ADARB2: variants seen among roughly 807,000 people sequenced by gnomAD.
ADARB2 encodes adenosine deaminase RNA specific B2 (inactive).
A neutral mutation model predicts 62.2 loss-of-function variants in ADARB2; 25 were observed. That is an observed-to-expected ratio of 0.40 (90% confidence interval 0.29 to 0.56). The LOEUF is 0.56. Among genes scored for constraint, ADARB2 ranks in the 20% least tolerant of loss-of-function variants. The pLI is 0.43. For missense variants in ADARB2, 1,071 were observed against 1,077.4 expected (o/e 0.99, Z 0.08); for synonymous variants, 572 against 500.8 (o/e 1.14, Z -1.90).
At chr10:1,706,967 CG>C in intron 1 of ADARB2, among the ~76,000 whole-genome samples, 1 of 81,766 alleles carries the variant, frequency 1.2e-5, no homozygotes, top group South Asian at 4.7e-4. Flanking sequence ...AGGGTTTCCC[CG>C]GGGCCTCCTG....
intron 1 of ADARB2, among the ~76,000 whole-genome samples, chr10:1,497,230 G>A (rs1374379408): frequency 6.6e-6 from 1 of 152,214 alleles, no homozygotes; most frequent in Non-Finnish European, 1.5e-5. Flanking sequence ...AGCTTATGAA[G>A]ATTAAGTAAT....
At chr10:1,457,143 T>A (rs1200503786) in intron 1 of ADARB2, among the ~76,000 whole-genome samples, 3 of 152,202 alleles carry the variant, frequency 2.0e-5, no homozygotes, top group Non-Finnish European at 4.4e-5. Context: ...ACATTTTGCC[T>A]GAACAAAATA....
intron 1 of ADARB2, among the ~76,000 whole-genome samples, chr10:1,456,954 C>G (rs1322170587): frequency 1.1e-4 from 16 of 140,654 alleles, no homozygotes; most frequent in Admixed American, 1.1e-3. Context: ...GCCACCACGC[C>G]TGGCTAATTT....
At chr10:1,371,112 C>T (rs772574371) in intron 2 of ADARB2, among the ~76,000 whole-genome samples, 35 of 152,246 alleles carry the variant, frequency 2.3e-4, no homozygotes, top group Non-Finnish European at 4.1e-4. Context: ...CATAGACCCA[C>T]GGAACAGAGA....
At chr10:1,404,697 G>T (rs555937989) in intron 1 of ADARB2, among the ~76,000 whole-genome samples, 1 of 152,152 alleles carries the variant, frequency 6.6e-6, no homozygotes, top group African/African-American at 2.4e-5. Context: ...TAAGCTCGCC[G>T]GCTTCGGGGC....
intron 3 of ADARB2, among the ~76,000 whole-genome samples, chr10:1,304,009 A>T (rs1429590814): frequency 6.6e-6 from 1 of 152,078 alleles, no homozygotes; most frequent in Admixed American, 6.6e-5. Context: ...GACAGGATCA[A>T]ATTCACACAT....
intron 1 of ADARB2, among the ~76,000 whole-genome samples, chr10:1,719,957 C>T (rs1835069276): frequency 6.6e-6 from 1 of 152,148 alleles, no homozygotes; most frequent in South Asian, 2.1e-4. Flanking sequence ...TGTAAATTAG[C>T]TCAGCCAACT....
At chr10:1,511,573 G>A (rs74121028) in intron 1 of ADARB2, among the ~76,000 whole-genome samples, 5,091 of 152,164 alleles carry the variant, frequency 0.033, 266 homozygotes, top group African/African-American at 0.11. Flanking sequence ...ATCAGCCGAG[G>A]AAGGATTGGC....
At chr10:1,375,637 A>C (rs1004732456) in intron 2 of ADARB2, among the ~76,000 whole-genome samples, 1 of 152,244 alleles carries the variant, frequency 6.6e-6, no homozygotes, top group Non-Finnish European at 1.5e-5. Context: ...ACACAGACTC[A>C]CAGGGTGTGA....
intron 1 of ADARB2, among the ~76,000 whole-genome samples, chr10:1,674,078 G>A (rs1055576669): frequency 7.2e-5 from 11 of 152,250 alleles, no homozygotes; most frequent in African/African-American, 2.4e-4. Flanking sequence ...CCCTGAAGTC[G>A]ATGTCAGACC....
rs374202819 is a variant in ADARB2 at position 1,627,828 on chromosome 10, G to A, written c.100+109223C>T. 2.2e-4 allele frequency among the ~76,000 whole-genome samples: 34 copies of A among 152,204 alleles called. No homozygotes were observed. The East Asian group carries it at 5.6e-3, about 25-fold the overall frequency. On this transcript the variant is annotated intron_variant, in intron 1 of 9. Coordinates refer to ENST00000381312, the MANE Select transcript of ADARB2 (RefSeq NM_018702.4). Reference sequence around the variant, plus strand: ...TCAAATAAAACCGAGACACAGCCTCGTAGAGATCACCTGTCTCTTTGGTCA... The same window carrying A: ...TCAAATAAAACCGAGACACAGCCTCATAGAGATCACCTGTCTCTTTGGTCA...
chr10:1,627,885 G>C (rs754947364), intron 1 of ADARB2, among the ~76,000 whole-genome samples: 1 of 152,194 alleles, frequency 6.6e-6, no homozygotes, highest in Non-Finnish European at 1.5e-5. Context: ...CACTTGAAGA[G>C]GTGGAGCTGG....
intron 1 of ADARB2, among the ~76,000 whole-genome samples, chr10:1,588,300 C>A (rs919397250): frequency 6.6e-6 from 1 of 152,170 alleles, no homozygotes; most frequent in Non-Finnish European, 1.5e-5. Context: ...TTTTGAGATA[C>A]CCCGGATGCT....
chr10:1,537,247 C>A (rs977945735), intron 1 of ADARB2, among the ~76,000 whole-genome samples: 7 of 152,218 alleles, frequency 4.6e-5, no homozygotes, highest in African/African-American at 1.4e-4. Flanking sequence ...AAATGCAAAT[C>A]AAAACCACAC....
chr10:1,348,116 G>T (rs548569881), intron 3 of ADARB2, among the ~76,000 whole-genome samples: 1 of 152,158 alleles, frequency 6.6e-6, no homozygotes, highest in East Asian at 1.9e-4. Context: ...GGGCTATCTC[G>T]GTCCTGTGGT....
At chr10:1,639,818 G>T (rs1365658490) in intron 1 of ADARB2, among the ~76,000 whole-genome samples, 5 of 152,144 alleles carry the variant, frequency 3.3e-5, no homozygotes, top group Non-Finnish European at 7.3e-5. Flanking sequence ...CTCCAGCCTG[G>T]ATGACAGAGT....
At position 1,404,869 on chromosome 10, in the gene ADARB2, G is replaced by A. The variant is rs183993517; in HGVS notation, c.101-25709C>T. Among the ~76,000 whole-genome samples the A allele has an allele frequency of 3.1e-3, 474 of 152,334 alleles. 7 individuals are homozygous for A. The highest frequency in any genetic ancestry group is 2.9e-3 in the Non-Finnish European group (194 of 68,028). On this transcript the variant is annotated intron_variant, in intron 1 of 9. Coordinates refer to ENST00000381312, the MANE Select transcript of ADARB2 (RefSeq NM_018702.4). The stretch of plus-strand genomic sequence containing the variant: ...TTTCCCATCCCAGCGAGACTTGGGT[G>A]AATTCCCCGGGAGCTCACGCTTTCT...
At chr10:1,285,499 A>G (rs1280015635) in intron 3 of ADARB2, among the ~76,000 whole-genome samples, 1 of 152,202 alleles carries the variant, frequency 6.6e-6, no homozygotes, top group African/African-American at 2.4e-5. Flanking sequence ...TGGACCAGCA[A>G]TGGTCAGAGG....
intron 8 of ADARB2, chr10:1,199,564 G>GC (rs1036004007): frequency 4.5e-4 from 79 of 174,318 alleles, no homozygotes; most frequent in African/African-American, 1.5e-3. Flanking sequence ...TGACCTTGGC[G>GC]CCCCCCGCCC....
Sources: allele counts gnomAD v4.1 joint callset (sites outside exome capture counted in the v4.1 genomes callset), GRCh38; gene constraint gnomAD v4.1.1; transcripts MANE v1.5; gene names NCBI Gene and HGNC (gene_info 2026-07-23, HGNC 2026-07-21).